Variants in LMF1 observed in about 807,000 individuals in gnomAD.
LMF1 encodes the protein transmembrane protein 112.
LMF1 carries 68 observed loss-of-function variants against 60.6 expected under a neutral mutation model. The ratio of observed to expected loss-of-function variants is 1.12; its 90% CI spans 0.92 to 1.37. The LOEUF (loss-of-function observed/expected upper bound fraction) is 1.37. Ranked by LOEUF, LMF1 falls within the 40% of genes most tolerant of loss-of-function variation. The pLI is 0.00. For missense variants in LMF1, 948 were observed against 767.2 expected (o/e 1.24, Z -2.78); for synonymous variants, 418 against 324.7 (o/e 1.29, Z -3.09).
chr16:887,985 G>A (rs1245671396), intron 5 of LMF1, among the ~76,000 whole-genome samples: 1 of 152,224 alleles, frequency 6.6e-6, no homozygotes, highest in Non-Finnish European at 1.5e-5. Context: ...AGCTCCCTGA[G>A]GGTCTGTGGT....
chr16:924,073 A>G (rs1274964921), intron 3 of LMF1, among the ~76,000 whole-genome samples: 1 of 152,220 alleles, frequency 6.6e-6, no homozygotes, highest in African/African-American at 2.4e-5. Context: ...AGCAGTCACA[A>G]TATTTACAGA....
Position 952,974 on chromosome 16 carries a change from A to C in LMF1, c.503+1383T>G, listed in dbSNP as rs2072526434. On this transcript the variant is annotated intron_variant, in intron 2 of 10. Transcript: ENST00000262301. ...CTGCACGTCCACACAGACACCCCAAACCAGCCTCCTACATATCCACACAGA... is the reference window on the plus strand; with the variant it reads ...CTGCACGTCCACACAGACACCCCAACCCAGCCTCCTACATATCCACACAGA... 3.6e-4 allele frequency among the ~76,000 whole-genome samples: 14 copies of C among 38,764 alleles called. 2 individuals carry two copies. Among genetic ancestry groups the C allele is most frequent in the African/African-American group, 1.5e-3 (6 of 3,886 alleles). 25.4% of individuals were successfully genotyped at this position (38,764 alleles called of 152,430 possible). A position where few individuals can be genotyped will look rare whatever the true frequency, so the allele number is the denominator to read the frequency against.
At position 893,121 on chromosome 16, in the gene LMF1, C is replaced by T. The variant is rs200275171; in HGVS notation, c.664-49G>A. 5,111 of 1,486,864 alleles carry T rather than the reference C, an allele frequency of 3.4e-3. 14 individuals carry two copies. Among genetic ancestry groups the T allele is most frequent in the Non-Finnish European group, 3.9e-3 (4,287 of 1,089,610 alleles). 92.1% of individuals were successfully genotyped at this position (1,486,864 alleles called of 1,614,324 possible). On this transcript the variant is annotated intron_variant, in intron 4 of 10. Coordinates refer to ENST00000262301, the MANE Select transcript of LMF1 (RefSeq NM_022773.4). ...GAGTCAGTCACAGGGGCTGGGGATG[C>T]GGCGGCCCCGACAGAAACAGCTTCC...
At chr16:914,649 T>TTCCC (rs202057081) in intron 3 of LMF1, among the ~76,000 whole-genome samples, 3 of 23,736 alleles carry the variant, frequency 1.3e-4, no homozygotes, top group Admixed American at 9.5e-4. Context: ...CCCTCCCTCC[T>TTCCC]CATGACCATT....
chr16:978,199 C>T (rs531782717), intron 1 of LMF1, among the ~76,000 whole-genome samples: 115 of 151,222 alleles, frequency 7.6e-4, no homozygotes, highest in Non-Finnish European at 1.4e-3. Flanking sequence ...ACACATACAT[C>T]ACACACATCA....
chr16:971,025 G>GC (rs2073041388), upstream of LMF1: 8 of 1,357,370 alleles, frequency 5.9e-6, no homozygotes, highest in East Asian at 8.9e-5. Flanking sequence ...ATTCTCGGAG[G>GC]CCCCGCCCAT....
chr16:910,919 A>C lies in LMF1; in HGVS notation c.663+12T>G. On this transcript the variant is annotated intron_variant, in intron 4 of 10. Coordinates refer to ENST00000262301, the MANE Select transcript of LMF1 (RefSeq NM_022773.4). ...TTATTCCCCAAACACCACGCAGAAG[A>C]GCTCCACTTACTGCTCCAAGCATGA... 3.1e-6 allele frequency: 5 copies of C among 1,612,396 alleles called. No homozygotes were observed. Among genetic ancestry groups the C allele is most frequent in the Non-Finnish European group, 4.2e-6 (5 of 1,179,686 alleles).
intron 2 of LMF1, among the ~76,000 whole-genome samples, chr16:945,465 G>A (rs553250983): frequency 6.6e-6 from 1 of 151,948 alleles, no homozygotes; most frequent in South Asian, 2.1e-4. Context: ...GGTTGAGGCT[G>A]CAGTGGGCTG....
intron 10 of LMF1, among the ~76,000 whole-genome samples, chr16:862,455 A>AT (rs2069493851): frequency 6.6e-6 from 1 of 152,072 alleles, no homozygotes; most frequent in Non-Finnish European, 1.5e-5. Context: ...ATTTAGTAAT[A>AT]TTTTGTTAAA....
intron 3 of LMF1, among the ~76,000 whole-genome samples, chr16:926,146 CTG>C (rs777793263): frequency 3.3e-5 from 5 of 149,606 alleles, no homozygotes; most frequent in Middle Eastern, 3.6e-3. Flanking sequence ...ATGCGTGCAC[CTG>C]TGTTTGCATA....
Position 868,956 on chromosome 16 carries a change from C to T in LMF1, c.1517G>A (p.Arg506Lys). ...GAGGGCATCCTACCTGGGCGGGGGC[C>T]TGCCCGCGAAGGGGTTGTGTGCCAG... is the stretch of plus-strand genomic sequence containing the variant. ...SLLAHNPFAGRPPPRWVRGEH... is the reference protein window; with the variant it reads ...SLLAHNPFAGKPPPRWVRGEH... Residue 506 changes from arginine (R) to lysine (K), a missense_variant, in exon 10 of 11, where the codon AGG (arginine) becomes AAG (lysine). Transcript: ENST00000262301. 1.2e-6 allele frequency: 2 copies of T among 1,610,120 alleles called. No homozygotes were observed. The highest frequency in any genetic ancestry group is 1.1e-5 in the South Asian group (1 of 91,004).
chr16:887,611 G>A (rs1214215088), intron 5 of LMF1, among the ~76,000 whole-genome samples: 2 of 152,180 alleles, frequency 1.3e-5, no homozygotes, highest in African/African-American at 2.4e-5. Flanking sequence ...AGGCCCCGCA[G>A]AACTCTGGGA....
chr16:979,436 C>G, intron 1 of LMF1: 3 of 354,706 alleles, frequency 8.5e-6, no homozygotes, highest in South Asian at 6.3e-5. Context: ...GCCTGCACGC[C>G]CAGCACCTCC....
chr16:968,977 T>C (rs1395387714), intron 1 of LMF1: 1 of 152,170 alleles, frequency 6.6e-6, no homozygotes, highest in African/African-American at 2.4e-5. Flanking sequence ...CACCAACATT[T>C]AAAATGACTG....
chr16:926,161 TGCATACGC>T (rs1248414344), intron 3 of LMF1, among the ~76,000 whole-genome samples: 2 of 152,152 alleles, frequency 1.3e-5, no homozygotes, highest in East Asian at 3.9e-4. Flanking sequence ...TTTGCATATG[TGCATACGC>T]GTGTGCACAC....
At chr16:863,410 G>C (rs2069525489) in intron 10 of LMF1, among the ~76,000 whole-genome samples, 1 of 152,062 alleles carries the variant, frequency 6.6e-6, no homozygotes, top group South Asian at 2.1e-4. Flanking sequence ...CCAAAGTGCG[G>C]TGATTTCAGG....
At chr16:937,246 G>A (rs2071972563) in intron 2 of LMF1, among the ~76,000 whole-genome samples, 1 of 152,146 alleles carries the variant, frequency 6.6e-6, no homozygotes, top group Non-Finnish European at 1.5e-5. Context: ...TACTTTCATA[G>A]CTTTTATTAC....
chr16:954,252 T>C (rs1412777341), intron 2 of LMF1, 105 bp downstream of exon 2: 1 of 1,200,844 alleles, frequency 8.3e-7, no homozygotes, highest in African/African-American at 1.5e-5. Context: ...TGAAGGAATT[T>C]AAGATAAACG....
intron 2 of LMF1, among the ~76,000 whole-genome samples, chr16:944,043 A>T (rs1421388241): frequency 6.6e-6 from 1 of 152,182 alleles, no homozygotes; most frequent in African/African-American, 2.4e-5. Flanking sequence ...GTCTTTCCAA[A>T]AGCTCAGTTA....
Sources: allele counts gnomAD v4.1 joint callset (sites outside exome capture counted in the v4.1 genomes callset), GRCh38; gene constraint gnomAD v4.1.1; transcripts MANE v1.5; gene names NCBI Gene and HGNC (gene_info 2026-07-23, HGNC 2026-07-21).